The following CDK11B variants were observed in gnomAD, a reference collection of about 807,000 sequenced individuals.
CDK11B encodes the protein cyclin-dependent kinase 11B.
In CDK11B, 37 loss-of-function variants were observed where a neutral mutation model predicts 84.0. That is an observed-to-expected ratio of 0.44 (90% CI 0.34 to 0.58). CDK11B has a LOEUF of 0.58. CDK11B is among the 20% of genes least tolerant of loss of function. CDK11B has a pLI of 0.02. For synonymous variants in CDK11B, 269 were observed against 309.8 expected (o/e 0.87, Z 1.38); for missense variants, 427 against 834.0 (o/e 0.51, Z 6.01).
chr1:1,650,087 G>A (rs1399967497), intron 4 of CDK11B, among the ~76,000 whole-genome samples: 2,082 of 150,806 alleles, frequency 0.014, 25 homozygotes, highest in South Asian at 0.025. Context: ...TGGCTAACAC[G>A]GTGAAACCCC....
intron 3 of CDK11B, among the ~76,000 whole-genome samples, chr1:1,653,524 T>C (rs1193156385): frequency 6.6e-6 from 1 of 151,900 alleles, no homozygotes; most frequent in East Asian, 2.0e-4. Context: ...TTTCACCATG[T>C]TGGCCAGGCT....
chr1:1,649,314 G>C (rs1198088331), intron 5 of CDK11B, among the ~76,000 whole-genome samples, 185 bp downstream of exon 5: 18 of 151,916 alleles, frequency 1.2e-4, no homozygotes, highest in Non-Finnish European at 2.5e-4. Flanking sequence ...TGTCAGCCAG[G>C]ATGGTCTCCA....
Position 1,637,041 on chromosome 1 carries a change from G to A in CDK11B, c.1693-37C>T, listed in dbSNP as rs773751142. ...GATGGGCGGCTGTGAGTGGGCCCCG[G>A]CAGGTCTCCCTGGGATGGGCCACTC... On this transcript the variant is annotated intron_variant, in intron 15 of 19. Transcript: ENST00000341832. 6 of 1,613,154 alleles carry A rather than the reference G, an allele frequency of 3.7e-6. No homozygotes were observed. In the African/African-American group the frequency reaches 5.3e-5, roughly 14 times the overall value.
At chr1:1,641,151 G>T (rs764386507) in intron 9 of CDK11B, 38 bp from the exon 10 acceptor site, 50 of 1,475,384 alleles carry the variant, frequency 3.4e-5, no homozygotes, top group Non-Finnish European at 4.1e-5. Flanking sequence ...GACCAGCACC[G>T]GGGCGAGTGC....
At chr1:1,638,640 G>C (rs551272343) in intron 11 of CDK11B, 50 bp from the exon 12 acceptor site, 2 of 1,224,858 alleles carry the variant, frequency 1.6e-6, no homozygotes, top group Non-Finnish European at 2.4e-6. Context: ...CCAGCTGGAG[G>C]GAGGGCGGCT....
At position 1,640,464 on chromosome 1, in the gene CDK11B, G is replaced by A. The variant is rs773889166; in HGVS notation, c.1076-12C>T. On this transcript the variant is annotated splice_polypyrimidine_tract_variant and intron_variant, in intron 10 of 19. Transcript: ENST00000341832. Reference sequence around the variant, plus strand: ...CCGTGACTCTGGAACTGGAAAAGTTGAACCTAATTACGAAGCTAGGAGTAA... The same window carrying A: ...CCGTGACTCTGGAACTGGAAAAGTTAAACCTAATTACGAAGCTAGGAGTAA... 1.4e-5 allele frequency: 22 copies of A among 1,613,668 alleles called. No individual in the cohort carries two copies. In the African/African-American group the frequency reaches 2.7e-4, roughly 20 times the overall value.
intron 6 of CDK11B, 43 bp downstream of exon 6, chr1:1,645,083 G>A (rs1640846971): frequency 2.3e-6 from 2 of 854,118 alleles, no homozygotes; most frequent in Non-Finnish European, 3.6e-6. Context: ...GGGGGCAGCA[G>A]ACACGCGTCC....
At chr1:1,638,004 T>G in intron 12 of CDK11B, 121 bp from the exon 13 acceptor site, 1 of 1,500,798 alleles carries the variant, frequency 6.7e-7, no homozygotes, top group Non-Finnish European at 9.0e-7. Context: ...GAGGGGGGTC[T>G]CGTTCTAGGT....
At chr1:1,650,926 C>T (rs1196332853) in intron 4 of CDK11B, among the ~76,000 whole-genome samples, 5 of 152,084 alleles carry the variant, frequency 3.3e-5, no homozygotes, top group Admixed American at 2.6e-4. Context: ...TTGTAATATT[C>T]GTCTTTTAAA....
At chr1:1,653,505 G>A (rs965668211) in intron 3 of CDK11B, among the ~76,000 whole-genome samples, 1 of 151,748 alleles carries the variant, frequency 6.6e-6, no homozygotes, top group Non-Finnish European at 1.5e-5. Context: ...ATTTGTAGTA[G>A]AGACGGGCTT....
In CDK11B at chr1:1,637,149, C is replaced by T. The variant is rs1425004481; in HGVS notation, c.1624G>A (p.Asp542Asn). 2 of 1,613,642 alleles carry T rather than the reference C, an allele frequency of 1.2e-6. No individual in the cohort carries two copies. Among genetic ancestry groups the T allele is most frequent in the Non-Finnish European group, 1.7e-6 (2 of 1,179,862 alleles). Residue 542 changes from aspartate (D) to asparagine (N), a missense_variant, in exon 15 of 20, where the codon GAC becomes AAC. Transcript: ENST00000341832. ...AGGTCACGGTGCAGGATCCAGTTGT[C>T]GTGCAGGTGTTTCACCCCACGCAGC... ...QLLRGVKHLH[D>N]NWILHRDLKT...
chr1:1,637,584 G>A (rs1237825966), intron 13 of CDK11B, 71 bp from the exon 14 acceptor site: 12 of 1,608,690 alleles, frequency 7.5e-6, no homozygotes, highest in Non-Finnish European at 1.0e-5. Context: ...GGGTGCAGCT[G>A]CTGAGGGACA....
Position 1,649,616 on chromosome 1 carries a change from T to C in CDK11B, c.377A>G (p.Glu126Gly). 6.2e-7 allele frequency: 1 copy of C among 1,610,352 alleles called. No individual in the cohort carries two copies. The highest frequency in any genetic ancestry group is 8.5e-7 in the Non-Finnish European group (1 of 1,176,814). The change falls in exon 5 of 20, where the codon GAA (glutamate) becomes GGA (glycine). Residue 126 changes from glutamate (E) to glycine (G), a missense_variant. Transcript: ENST00000341832. Reference sequence around the variant, plus strand: ...CCGACGTTCGTGCTCTCTTTCTTTTTCTTTCACTCTAGCATGCTTCCCTAA... The same window carrying C: ...CCGACGTTCGTGCTCTCTTTCTTTTCCTTTCACTCTAGCATGCTTCCCTAA... ...AEGGKHARVK[E>G]KEREHERRKR...
At chr1:1,658,209 G>A (rs1268942194) in intron 1 of CDK11B, among the ~76,000 whole-genome samples, 1 of 150,116 alleles carries the variant, frequency 6.7e-6, no homozygotes, top group Middle Eastern at 3.2e-3. Context: ...GCCAGGCAAG[G>A]TGGCGAGCGC....
chr1:1,648,056 G>C (rs1641398992), intron 5 of CDK11B, among the ~76,000 whole-genome samples: 1 of 152,288 alleles, frequency 6.6e-6, no homozygotes, highest in African/African-American at 2.4e-5. Context: ...TTTTGTCAGA[G>C]ACAAGGTCTC....
intron 4 of CDK11B, among the ~76,000 whole-genome samples, chr1:1,651,803 GCTCT>G (rs1216474471): frequency 2.7e-5 from 4 of 149,412 alleles, no homozygotes; most frequent in Non-Finnish European, 5.9e-5. Context: ...GCTAGAGTTT[GCTCT>G]CTCTGGTTTT....
chr1:1,651,514 G>A (rs1375448700), intron 4 of CDK11B, among the ~76,000 whole-genome samples: 18 of 145,256 alleles, frequency 1.2e-4, no homozygotes, highest in Non-Finnish European at 2.2e-4. Context: ...CACGCTTTCA[G>A]CTAGAGTACT....
intron 6 of CDK11B, among the ~76,000 whole-genome samples, chr1:1,644,203 AAACTGTCAGCTAGGC>A (rs1557683978): frequency 6.8e-6 from 1 of 147,172 alleles, no homozygotes; most frequent in African/African-American, 2.6e-5. Flanking sequence ...TGAAAAGGAA[AAACTGTCAGCTAGGC>A]ATGAGGGTTC....
rs758046031 is a variant in CDK11B, at chr1:1,640,331, G to A, written c.1197C>T (p.Ala399=). The change falls in exon 11 of 20, where the codon GCC becomes GCT. Residue 399 remains alanine (A), a synonymous_variant. Transcript: ENST00000341832. ...CCTGCTTGAGCTCGATGGGCGACAG[G>A]GCAGGGGAGTCGGGCACATAGTCGC... ...TEGDYVPDSP[A]LSPIELKQEL... 3.0e-5 allele frequency: 49 copies of A among 1,613,602 alleles called. No homozygotes were observed. In the Admixed American group the frequency reaches 8.0e-4, roughly 26 times the overall value.
Sources: allele counts gnomAD v4.1 joint callset (sites outside exome capture counted in the v4.1 genomes callset), GRCh38; gene constraint gnomAD v4.1.1; transcripts MANE v1.5; gene names NCBI Gene and HGNC (gene_info 2026-07-23, HGNC 2026-07-21).